AVEN: variants seen among roughly 807,000 people sequenced by gnomAD.
AVEN encodes apoptosis and caspase activation inhibitor.
In AVEN, 41 loss-of-function variants were observed where a neutral mutation model predicts 38.1. The ratio of observed to expected loss-of-function variants is 1.08; its 90% CI spans 0.84 to 1.40. The LOEUF (loss-of-function observed/expected upper bound fraction) is 1.40. Among genes scored for constraint, AVEN ranks in the 40% most tolerant of loss-of-function variants. The probability of loss-of-function intolerance (pLI) is 0.00; values close to 1 mark genes in which losing one functional copy is unlikely to be tolerated. For synonymous variants in AVEN, 206 were observed against 171.8 expected (o/e 1.20, Z -1.56); for missense variants, 605 against 438.8 (o/e 1.38, Z -3.38).
downstream of AVEN, chr15:33,864,227 C>T (rs758758994): frequency 1.6e-5 from 25 of 1,534,594 alleles, no homozygotes; most frequent in Non-Finnish European, 2.1e-5. Context: ...GTTAGATCTC[C>T]CTTTCCTAAA....
chr15:33,938,827 T>G (rs993102573), intron 2 of AVEN, among the ~76,000 whole-genome samples: 2 of 152,166 alleles, frequency 1.3e-5, no homozygotes, highest in Non-Finnish European at 2.9e-5. Flanking sequence ...CACCTATTTC[T>G]TTCTTCCTTT....
At chr15:33,932,235 C>A (rs1003808839) in intron 2 of AVEN, among the ~76,000 whole-genome samples, 2 of 152,186 alleles carry the variant, frequency 1.3e-5, no homozygotes, top group African/African-American at 4.8e-5. Context: ...AACATATACC[C>A]AATTTGGCAA....
intron 2 of AVEN, among the ~76,000 whole-genome samples, chr15:33,887,098 A>C (rs569431728): frequency 6.6e-6 from 1 of 152,240 alleles, no homozygotes; most frequent in South Asian, 2.1e-4. Context: ...TAGTTCTATC[A>C]AACCACAAAG....
At chr15:33,860,742 A>ATTAC (rs1290833881) in intron 11 of AVEN, 1 of 1,053,502 alleles carries the variant, frequency 9.5e-7, no homozygotes, top group Non-Finnish European at 1.4e-6. Context: ...AGGTTTTACT[A>ATTAC]TTACTTAGGG....
downstream of AVEN, chr15:33,857,682 T>C: frequency 6.7e-7 from 1 of 1,483,222 alleles, no homozygotes; most frequent in Non-Finnish European, 9.2e-7. Flanking sequence ...TCCTTGCCCG[T>C]CCTCACTCTT....
chr15:34,007,265 CA>C (rs1897397586), intron 1 of AVEN, among the ~76,000 whole-genome samples: 1 of 152,236 alleles, frequency 6.6e-6, no homozygotes, highest in African/African-American at 2.4e-5. Context: ...TTTTTGACCT[CA>C]CCTGCTCTGC....
downstream of AVEN, chr15:33,854,587 A>G (rs1348865463): frequency 1.9e-6 from 2 of 1,029,334 alleles, no homozygotes; most frequent in African/African-American, 1.6e-5. Context: ...CTGGGGGAAC[A>G]CTTATACAAT....
intron 2 of AVEN, among the ~76,000 whole-genome samples, chr15:33,960,303 C>T (rs538166168): frequency 1.3e-5 from 2 of 152,164 alleles, no homozygotes; most frequent in South Asian, 4.2e-4. Flanking sequence ...CTGAAAATTG[C>T]AGCTTATAAT....
At chr15:33,985,511 T>C (rs142192094) in intron 2 of AVEN, among the ~76,000 whole-genome samples, 198 of 149,288 alleles carry the variant, frequency 1.3e-3, no homozygotes, top group African/African-American at 4.6e-3. Context: ...CAGGGTTGCT[T>C]GCTGGAAACA....
chr15:33,985,576 C>A (rs151183911), intron 2 of AVEN, among the ~76,000 whole-genome samples: 33 of 151,874 alleles, frequency 2.2e-4, no homozygotes, highest in African/African-American at 7.0e-4. Flanking sequence ...CTTGACATAC[C>A]CATCAGGAGC....
chr15:33,902,341 T>C (rs554958104), intron 2 of AVEN, among the ~76,000 whole-genome samples: 11 of 152,320 alleles, frequency 7.2e-5, no homozygotes, highest in African/African-American at 2.4e-4. Context: ...AACCCCATGA[T>C]CATCTCAATG....
chr15:33,886,172 C>T (rs1229847597), intron 2 of AVEN, among the ~76,000 whole-genome samples: 1 of 152,186 alleles, frequency 6.6e-6, no homozygotes, highest in Non-Finnish European at 1.5e-5. Flanking sequence ...GCTCTGTCCC[C>T]ACCCAAATCT....
At chr15:34,007,943 G>A (rs1897433543) in intron 1 of AVEN, among the ~76,000 whole-genome samples, 1 of 152,094 alleles carries the variant, frequency 6.6e-6, no homozygotes, top group South Asian at 2.1e-4. Flanking sequence ...TTCTTATGAG[G>A]ACATGAGTTA....
intron 1 of AVEN, 82 bp downstream of exon 1, chr15:34,038,698 T>C (rs1237096975): frequency 3.7e-6 from 4 of 1,090,690 alleles, no homozygotes; most frequent in East Asian, 5.0e-5. Flanking sequence ...TGGCACGCTC[T>C]CTTGCGGCTC....
At chr15:33,967,525 G>A (rs1895438142) in intron 2 of AVEN, among the ~76,000 whole-genome samples, 1 of 151,950 alleles carries the variant, frequency 6.6e-6, no homozygotes, top group African/African-American at 2.4e-5. Context: ...TTGAATCTTG[G>A]TAATGAGTTT....
rs749188300 is a variant in AVEN, at chr15:34,063,557, C to T, written n.1127-125G>A. On this transcript the variant is annotated intron_variant and non_coding_transcript_variant, in intron 4 of 11. Coordinates refer to the AVEN transcript ENST00000675287. This position sits in a 1 kb window ranked among gnomAD's most constrained non-coding sequence, Gnocchi z 4.1. ...CATCCTCCCGCAGGAGCACCTCCACCACTGGGAAGCCATCCCAAGCCACTG... is the reference window on the plus strand; with the variant it reads ...CATCCTCCCGCAGGAGCACCTCCACTACTGGGAAGCCATCCCAAGCCACTG... 1.9e-6 allele frequency: 3 copies of T among 1,613,632 alleles called. No individual in the cohort carries two copies. The highest frequency in any genetic ancestry group is 1.3e-5 in the African/African-American group (1 of 75,068).
chr15:33,917,727 A>T (rs1404825381), intron 2 of AVEN, among the ~76,000 whole-genome samples: 1 of 152,172 alleles, frequency 6.6e-6, no homozygotes, highest in East Asian at 1.9e-4. Context: ...AAGTGAAGTA[A>T]CTCAGGAATG....
At chr15:34,035,961 G>A (rs1254978042) in intron 1 of AVEN, among the ~76,000 whole-genome samples, 1 of 151,984 alleles carries the variant, frequency 6.6e-6, no homozygotes, top group Non-Finnish European at 1.5e-5. Flanking sequence ...ATGCTCGGCA[G>A]TTTTGTATTT....
At chr15:33,943,118 CAA>C (rs980940543) in intron 2 of AVEN, among the ~76,000 whole-genome samples, 1 of 151,962 alleles carries the variant, frequency 6.6e-6, no homozygotes, top group African/African-American at 2.4e-5. Flanking sequence ...GATATTTATC[CAA>C]AAGAGTTGGA....
Sources: gnomAD v4.1 joint callset for allele counts (sites outside exome capture counted in the v4.1 genomes callset) on GRCh38, gnomAD v4.1.1 for gene constraint, Gnocchi (gnomAD v3.1) non-coding constraint, MANE v1.5 for transcripts, NCBI Gene and HGNC (gene_info 2026-07-23, HGNC 2026-07-21) for gene names.